Variants in CARD14 observed in about 807,000 individuals in gnomAD.
The protein encoded by CARD14 is caspase recruitment domain-containing protein 14.
CARD14 carries 107 observed loss-of-function variants against 111.5 expected under a neutral mutation model. The observed-to-expected ratio is 0.96, with a 90% CI of 0.82 to 1.13. The LOEUF (loss-of-function observed/expected upper bound fraction) is 1.13, where lower values mean the gene tolerates loss of function less well. CARD14 is among the 50% of genes most tolerant of loss of function. The probability of loss-of-function intolerance (pLI) is 0.00; values close to 1 mark genes in which losing one functional copy is unlikely to be tolerated. For missense variants in CARD14, 1,322 were observed against 1,362.3 expected (o/e 0.97, Z 0.47); for synonymous variants, 617 against 579.6 (o/e 1.06, Z -0.93).
At chr17:80,208,023 A>G (rs2041436494) in intron 23 of CARD14, 115 bp from the exon 24 acceptor site, 1 of 737,158 alleles carries the variant, frequency 1.4e-6, no homozygotes, top group South Asian at 2.5e-5. Flanking sequence ...GGTCCCCTCA[A>G]AGCGAGGCCA....
At chr17:80,190,992 G>A in intron 10 of CARD14, 93 bp downstream of exon 10, 1 of 1,503,940 alleles carries the variant, frequency 6.6e-7, no homozygotes, top group Non-Finnish European at 9.0e-7. Flanking sequence ...CCCTGCCCTT[G>A]ATGGCAGCTG....
chr17:80,181,269 T>C (rs1364924618), intron 4 of CARD14, 150 bp from the exon 5 acceptor site: 4 of 644,648 alleles, frequency 6.2e-6, no homozygotes, highest in African/African-American at 1.8e-5. Context: ...ATGCTTCCTC[T>C]GCCGTAAACA....
chr17:80,192,418 G>A, intron 11 of CARD14, 85 bp from the exon 12 acceptor site: 1 of 920,494 alleles, frequency 1.1e-6, no homozygotes. Flanking sequence ...GGTGAAATGG[G>A]TGGTGCTGAC....
At chr17:80,183,379 G>T (rs138054003) in intron 6 of CARD14, among the ~76,000 whole-genome samples, 3 of 152,214 alleles carry the variant, frequency 2.0e-5, no homozygotes, top group Non-Finnish European at 4.4e-5. Context: ...TTCCAGCACG[G>T]TGTGTGTTTA....
At position 80,182,679 on chromosome 17, in the gene CARD14, C is replaced by G. The variant is rs377316099; in HGVS notation, c.238C>G (p.Arg80Gly). 2 of 1,613,986 alleles carry G rather than the reference C, an allele frequency of 1.2e-6. No individual in the cohort carries two copies. Among genetic ancestry groups the G allele is most frequent in the Non-Finnish European group, 8.5e-7 (1 of 1,180,018 alleles). ...AGHLLDLLKT[R>G]GKNGAIAFLE... Reference sequence around the variant, plus strand: ...GCACTTGCTGGATTTGCTGAAGACTCGAGGGAAGAACGGGGCCATCGCCTT... The same window carrying G: ...GCACTTGCTGGATTTGCTGAAGACTGGAGGGAAGAACGGGGCCATCGCCTT... The change falls in exon 6 of 24, where the codon CGA (arginine) becomes GGA (glycine). Residue 80 changes from arginine to glycine, a missense_variant. Coordinates refer to ENST00000648509, the MANE Select transcript of CARD14 (RefSeq NM_001366385.1). The surrounding 1 kb of genome is among the most constrained non-coding windows in gnomAD (Gnocchi z 4.7).
Position 80,181,464 on chromosome 17 carries a change from C to T in CARD14, c.26C>T (p.Ser9Phe), listed in dbSNP as rs779622128. ...ATGGGGGAACTGTGCCGCAGGGACT[C>T]CGCACTCACGGCACTGGACGAGGAG... is the stretch of plus-strand genomic sequence containing the variant. MGELCRRDSALTALDEETL... is the reference protein window; with the variant it reads MGELCRRDFALTALDEETL... Residue 9 changes from serine to phenylalanine, a missense_variant, in exon 5 of 24, where the codon TCC (serine) becomes TTC (phenylalanine). Physicochemically the swap from Ser to Phe is radical, Grantham distance 155 (BLOSUM62 -2). Coordinates refer to ENST00000648509, the MANE Select transcript of CARD14 (RefSeq NM_001366385.1). 2 of 1,581,320 alleles carry T rather than the reference C, an allele frequency of 1.3e-6. No homozygotes were observed. Among genetic ancestry groups the T allele is most frequent in the Admixed American group, 3.6e-5 (2 of 55,452 alleles).
rs759434721 is a variant in CARD14 at position 80,195,350 on chromosome 17, C to T, written c.1499+17C>T. ...GTCTTTCAGGTAGAGCACTGGGGTC[C>T]TTCCTGGCACTGGGGTGGCACTGGG... On this transcript the variant is annotated intron_variant, in intron 13 of 23. Coordinates refer to ENST00000648509, the MANE Select transcript of CARD14 (RefSeq NM_001366385.1). The surrounding 1 kb of genome is among the most constrained non-coding windows in gnomAD (Gnocchi z 4.7). 1.3e-6 allele frequency: 2 copies of T among 1,598,600 alleles called. No individual in the cohort carries two copies. The highest frequency in any genetic ancestry group is 1.7e-6 in the Non-Finnish European group (2 of 1,169,286).
intron 21 of CARD14, 98 bp from the exon 22 acceptor site, chr17:80,205,433 T>C (rs1044022373): frequency 3.4e-5 from 51 of 1,487,270 alleles, no homozygotes; most frequent in Non-Finnish European, 4.4e-5. Context: ...CTTCTCCCAG[T>C]GCTGGCAGGG....
chr17:80,182,885 A>G lies in CARD14; in HGVS notation c.349+95A>G. 3 of 1,448,484 alleles carry G rather than the reference A, an allele frequency of 2.1e-6. No homozygotes were observed. The highest frequency in any genetic ancestry group is 2.9e-6 in the Non-Finnish European group (3 of 1,051,646). 89.7% of individuals were successfully genotyped at this position (1,448,484 alleles called of 1,614,324 possible). A position where few individuals can be genotyped will look rare whatever the true frequency, so the allele number is the denominator to read the frequency against. On this transcript the variant is annotated intron_variant, in intron 6 of 23. Coordinates refer to ENST00000648509, the MANE Select transcript of CARD14 (RefSeq NM_001366385.1). This position sits in a 1 kb window ranked among gnomAD's most constrained non-coding sequence, Gnocchi z 4.7. ...CCCCGCTTACTTGCCGATTTGCCCT[A>G]CTCCCCCTTCCCTCCAGGCTGCAGT... is the stretch of plus-strand genomic sequence containing the variant.
Position 80,182,823 on chromosome 17 carries a change from A to G in CARD14, c.349+33A>G, listed in dbSNP as rs1598637274. On this transcript the variant is annotated intron_variant, in intron 6 of 23. Transcript: ENST00000648509. This position sits in a 1 kb window ranked among gnomAD's most constrained non-coding sequence, Gnocchi z 4.7. ...CTCCGACTTTGACGGTTTGGCAGGC[A>G]CTTCTAGGAACCTCAGGCTCCTGGT... is the stretch of plus-strand genomic sequence containing the variant. The G allele has an allele frequency of 1.9e-6, 3 of 1,611,794 alleles. No homozygotes were observed. Among genetic ancestry groups the G allele is most frequent in the South Asian group, 2.2e-5 (2 of 91,040 alleles).
Position 80,189,859 on chromosome 17 carries a change from G to A in CARD14, c.950G>A (p.Arg317Lys), listed in dbSNP as rs764288109. The change falls in exon 9 of 24, where the codon AGG becomes AAG. Residue 317 changes from arginine (R) to lysine (K), a missense_variant. Arg to Lys is a conservative substitution (Grantham distance 26). Transcript: ENST00000648509. The surrounding 1 kb of genome is among the most constrained non-coding windows in gnomAD (Gnocchi z 4.7). ...CGGGAGCGGGCCGTGGCTGCCGAGA[G>A]GCAGCGAGAGCAGGTGCCGTGTGAG... Reference protein sequence around the residue: ...SLRERAVAAERQREQYWEEKE... With the variant: ...SLRERAVAAEKQREQYWEEKE... 8 of 1,594,526 alleles carry A rather than the reference G, an allele frequency of 5.0e-6. No individual in the cohort carries two copies. The highest frequency in any genetic ancestry group is 5.1e-6 in the Non-Finnish European group (6 of 1,172,688).
intron 2 of CARD14, among the ~76,000 whole-genome samples, chr17:80,176,895 T>C (rs1245151744): frequency 1.3e-5 from 2 of 152,190 alleles, no homozygotes; most frequent in African/African-American, 4.8e-5. Flanking sequence ...GTGTGCCCAT[T>C]GGCAGCGCAT....
chr17:80,172,638 G>A (rs925459093), intron 1 of CARD14, among the ~76,000 whole-genome samples: 1 of 152,034 alleles, frequency 6.6e-6, no homozygotes, highest in Non-Finnish European at 1.5e-5. Flanking sequence ...TTGCCATGAT[G>A]CCCCCTAAAC....
At chr17:80,181,109 T>C (rs534949830) in intron 4 of CARD14, among the ~76,000 whole-genome samples, 33 of 152,030 alleles carry the variant, frequency 2.2e-4, no homozygotes, top group South Asian at 8.3e-4. Flanking sequence ...AAAAAGTATT[T>C]ATTTACTTTA....
chr17:80,190,625 A>AG, intron 9 of CARD14, 149 bp from the exon 10 acceptor site: 2 of 870,452 alleles, frequency 2.3e-6, no homozygotes, highest in East Asian at 6.0e-5. Flanking sequence ...AAAAAAAAAA[A>AG]AAAAGAGAGA....
rs2040780987 is a variant in CARD14 at position 80,198,046 on chromosome 17, G to A, written c.1595-53G>A. 13 of 1,557,126 alleles carry A rather than the reference G, an allele frequency of 8.3e-6. No individual in the cohort carries two copies. The highest frequency in any genetic ancestry group is 2.2e-5 in the East Asian group (1 of 44,500). On this transcript the variant is annotated intron_variant, in intron 14 of 23. Coordinates refer to ENST00000648509, the MANE Select transcript of CARD14 (RefSeq NM_001366385.1). The surrounding 1 kb of genome is among the most constrained non-coding windows in gnomAD (Gnocchi z 7.5). ...CTGAGGTTACAGGAGGTTACAGGACGCCCCATCAGCAGTGGGGTGACCAAG... is the reference window on the plus strand; with the variant it reads ...CTGAGGTTACAGGAGGTTACAGGACACCCCATCAGCAGTGGGGTGACCAAG...
Position 80,201,310 on chromosome 17 carries a change from C to T in CARD14, c.1852-434C>T, listed in dbSNP as rs562086765. The T allele has an allele frequency of 4.1e-4, 69 of 169,078 alleles. No homozygotes were observed. The highest frequency in any genetic ancestry group is 7.2e-4 in the Non-Finnish European group (56 of 77,678). 10.5% of individuals were successfully genotyped at this position (169,078 alleles called of 1,614,324 possible). ...GGCTGTGGGTGGAGAGCCAGGGCATCGGGTAGGTGAAGGCCAGGGATGCCA... is the reference window on the plus strand; with the variant it reads ...GGCTGTGGGTGGAGAGCCAGGGCATTGGGTAGGTGAAGGCCAGGGATGCCA... On this transcript the variant is annotated intron_variant, in intron 16 of 23. Coordinates refer to ENST00000648509, the MANE Select transcript of CARD14 (RefSeq NM_001366385.1). This position sits in a 1 kb window ranked among gnomAD's most constrained non-coding sequence, Gnocchi z 5.0.
chr17:80,198,499 G>A lies in CARD14; in HGVS notation c.1759G>A (p.Gly587Ser), dbSNP rs146855402. Reference protein sequence around the residue: ...DALLEQISVIGGNLTGIFIHR... With the variant: ...DALLEQISVISGNLTGIFIHR... The stretch of plus-strand genomic sequence containing the variant: ...ATTGCTGGAGCAGATCAGCGTCATC[G>A]GCGGGAACCTCACGGGCATCTTCAT... The change falls in exon 16 of 24, where the codon GGC becomes AGC. Residue 587 changes from glycine (G) to serine (S), a missense_variant. Transcript: ENST00000648509. The surrounding 1 kb of genome is among the most constrained non-coding windows in gnomAD (Gnocchi z 7.5). 12 of 1,613,172 alleles carry A rather than the reference G, an allele frequency of 7.4e-6. No individual in the cohort carries two copies. Among genetic ancestry groups the A allele is most frequent in the African/African-American group, 4.0e-5 (3 of 74,936 alleles).
rs2041112319 is a variant in CARD14 at position 80,203,649 on chromosome 17, C to A, written c.2220-173C>A. 1.3e-5 allele frequency: 7 copies of A among 546,002 alleles called. No individual in the cohort carries two copies. The highest frequency in any genetic ancestry group is 2.6e-5 in the South Asian group (1 of 38,304). 33.8% of individuals were successfully genotyped at this position (546,002 alleles called of 1,614,324 possible). On this transcript the variant is annotated intron_variant, in intron 18 of 23. Transcript: ENST00000648509. This position sits in a 1 kb window ranked among gnomAD's most constrained non-coding sequence, Gnocchi z 4.6. ...GTCTTTTGAAAGCTCTGGAGACTGGCATGGCCGCCAGGATGGAGCGCTCCA... is the reference window on the plus strand; with the variant it reads ...GTCTTTTGAAAGCTCTGGAGACTGGAATGGCCGCCAGGATGGAGCGCTCCA...
Sources: gnomAD v4.1 joint callset for allele counts (sites outside exome capture counted in the v4.1 genomes callset) on GRCh38, gnomAD v4.1.1 for gene constraint, Gnocchi (gnomAD v3.1) non-coding constraint, MANE v1.5 for transcripts, NCBI Gene and HGNC (gene_info 2026-07-23, HGNC 2026-07-21) for gene names.